Variants in ANK3 observed in about 807,000 individuals in gnomAD.
The protein encoded by ANK3 is ankyrin-3.
In ANK3, 57 loss-of-function variants were observed where a neutral mutation model predicts 370.9. The ratio of observed to expected loss-of-function variants is 0.15; its 90% CI spans 0.12 to 0.19. The LOEUF (loss-of-function observed/expected upper bound fraction) is 0.19. Ranked by LOEUF, ANK3 falls within the 10% of genes least tolerant of loss-of-function variation. ANK3 has a pLI of 1.00. For missense variants in ANK3, 4,439 were observed against 5,302.1 expected (o/e 0.84, Z 5.06); for synonymous variants, 1,929 against 1,946.3 (o/e 0.99, Z 0.23).
rs1369573303 is a variant in ANK3 at position 60,341,633 on chromosome 10, G to A, written c.114+47792C>T. ...TTATGTGCCTGTCCATTTTTCCCAAGTAAAGAGGGGGCATTTAAGGGTAGA... is the reference window on the plus strand; with the variant it reads ...TTATGTGCCTGTCCATTTTTCCCAAATAAAGAGGGGGCATTTAAGGGTAGA... On this transcript the variant is annotated intron_variant, in intron 1 of 43. Coordinates refer to ENST00000280772, the MANE Select transcript of ANK3 (RefSeq NM_020987.5). Among the ~76,000 whole-genome samples the A allele has an allele frequency of 2.0e-5, 3 of 152,098 alleles. No homozygotes were observed. In the East Asian group the frequency reaches 5.8e-4, roughly 29 times the overall value.
In ANK3 at chr10:60,055,850, A is replaced by G; in HGVS notation, c.12873T>C (p.Gly4291=). ...GTGGTGATGCTGGTTCTTCAACATG[A>G]CCAGATCCATGTATTTTTGGTTTCA... The part of the protein sequence containing the change: ...ETLKPKIHGS[G]HVEEPASPLA... Residue 4291 remains glycine, a synonymous_variant, in exon 42 of 44, where the codon GGT becomes GGC. Coordinates refer to ENST00000280772, the MANE Select transcript of ANK3 (RefSeq NM_020987.5). The G allele has an allele frequency of 6.2e-7, 1 of 1,614,108 alleles. No individual in the cohort carries two copies. The highest frequency in any genetic ancestry group is 8.5e-7 in the Non-Finnish European group (1 of 1,180,002).
At position 60,211,806 on chromosome 10, in the gene ANK3, A is replaced by T. The variant is rs951280369; in HGVS notation, c.996+1606T>A. ...CTGCCACCTGATCAGCACTGCCTAC[A>T]CTCTTTAGAGCTGCCACTCACATGT... On this transcript the variant is annotated intron_variant, in intron 9 of 43. Coordinates refer to ENST00000280772, the MANE Select transcript of ANK3 (RefSeq NM_020987.5). Among the ~76,000 whole-genome samples the T allele has an allele frequency of 2.0e-5, 3 of 147,218 alleles. No homozygotes were observed. The Admixed American group carries it at 2.1e-4, about 10-fold the overall frequency.
In ANK3 at chr10:60,164,808, C is replaced by T. The variant is rs10994231; in HGVS notation, c.2614+1783G>A. ...GCAGATGTTTGCTCAGACTGAGTGA[C>T]CTTTAAGGAATCCTTTTCAACATTA... On this transcript the variant is annotated intron_variant, in intron 23 of 43. Transcript: ENST00000280772. Among the ~76,000 whole-genome samples, 644 of 152,210 alleles carry T rather than the reference C, an allele frequency of 4.2e-3. 22 individuals carry two copies. In the East Asian group the frequency reaches 0.074, roughly 17 times the overall value.
intron 1 of ANK3, among the ~76,000 whole-genome samples, chr10:60,722,246 T>A (rs895044180): frequency 1.3e-5 from 2 of 152,018 alleles, no homozygotes; most frequent in African/African-American, 4.8e-5. Flanking sequence ...TTCAGTAGAC[T>A]AAGAAAGCAT....
At chr10:60,598,164 T>C (rs2078013434) in intron 2 of ANK3, among the ~76,000 whole-genome samples, 1 of 152,170 alleles carries the variant, frequency 6.6e-6, no homozygotes, top group African/African-American at 2.4e-5. Context: ...TGTTACATCG[T>C]AGCAGAAACT....
At chr10:60,132,580 A>T (rs1318501550) in intron 25 of ANK3, among the ~76,000 whole-genome samples, 1 of 151,916 alleles carries the variant, frequency 6.6e-6, no homozygotes. Context: ...GTATGTCTTT[A>T]TTAGCAGTGT....
At chr10:60,435,251 C>T (rs912201345) in intron 2 of ANK3, among the ~76,000 whole-genome samples, 1 of 152,092 alleles carries the variant, frequency 6.6e-6, no homozygotes, top group Non-Finnish European at 1.5e-5. Context: ...TGTACACTTT[C>T]CTAAGAAAAG....
chr10:60,270,941 A>G (rs2097967170), intron 4 of ANK3, among the ~76,000 whole-genome samples: 1 of 152,182 alleles, frequency 6.6e-6, no homozygotes, highest in South Asian at 2.1e-4. Context: ...TTACATGTAC[A>G]TACATATGCA....
intron 1 of ANK3, among the ~76,000 whole-genome samples, chr10:60,319,504 A>G (rs2048174542): frequency 6.6e-6 from 1 of 152,222 alleles, no homozygotes; most frequent in Admixed American, 6.5e-5. Flanking sequence ...TGTTATAAAG[A>G]AATATATCGT....
At chr10:60,629,910 C>A (rs992140232) in intron 1 of ANK3, among the ~76,000 whole-genome samples, 1 of 151,962 alleles carries the variant, frequency 6.6e-6, no homozygotes, top group African/African-American at 2.4e-5. Context: ...GCAATGTGAA[C>A]CCTCAAAGCA....
chr10:60,710,330 A>C (rs750517728), intron 1 of ANK3, among the ~76,000 whole-genome samples: 2 of 152,180 alleles, frequency 1.3e-5, no homozygotes, highest in Non-Finnish European at 2.9e-5. Context: ...GGTAATTTTT[A>C]TAGAGTTAGG....
chr10:60,673,803 C>T (rs2079091276), intron 1 of ANK3, among the ~76,000 whole-genome samples: 1 of 152,236 alleles, frequency 6.6e-6, no homozygotes, highest in Non-Finnish European at 1.5e-5. Flanking sequence ...CCTCCTCTCT[C>T]TTCCCCTAAT....
At chr10:60,671,544 A>C in intron 1 of ANK3, among the ~76,000 whole-genome samples, 1 of 152,158 alleles carries the variant, frequency 6.6e-6, no homozygotes, top group East Asian at 1.9e-4. Flanking sequence ...TATTGAACTT[A>C]TAAGGGTGTA....
At chr10:60,470,009 T>A (rs1446445294) in intron 2 of ANK3, among the ~76,000 whole-genome samples, 1 of 152,004 alleles carries the variant, frequency 6.6e-6, no homozygotes, top group Non-Finnish European at 1.5e-5. Flanking sequence ...AACTTTAGAC[T>A]TAGTGATAGA....
At chr10:60,240,231 C>T (rs1326660023) in intron 7 of ANK3, among the ~76,000 whole-genome samples, 213 of 140,808 alleles carry the variant, frequency 1.5e-3, no homozygotes, top group African/African-American at 5.4e-3. Flanking sequence ...TATATACACA[C>T]ATATATATAC....
intron 1 of ANK3, among the ~76,000 whole-genome samples, chr10:60,726,546 A>G (rs2079943457): frequency 1.3e-5 from 2 of 152,230 alleles, no homozygotes; most frequent in African/African-American, 4.8e-5. Flanking sequence ...AAAGATGTGG[A>G]AGCTGAGATT....
At chr10:60,326,689 T>A (rs1056931160) in intron 1 of ANK3, among the ~76,000 whole-genome samples, 1 of 151,962 alleles carries the variant, frequency 6.6e-6, no homozygotes, top group African/African-American at 2.4e-5. Flanking sequence ...TTTAAATGAA[T>A]AGGTGGATGT....
chr10:60,515,290 C>A (rs1057507838), intron 2 of ANK3, among the ~76,000 whole-genome samples: 5 of 152,104 alleles, frequency 3.3e-5, no homozygotes, highest in African/African-American at 1.2e-4. Context: ...CTGCAGGAAG[C>A]ATTGACCATA....
intron 8 of ANK3, among the ~76,000 whole-genome samples, chr10:60,223,170 CT>C (rs1249388464): frequency 6.6e-6 from 1 of 152,164 alleles, no homozygotes; most frequent in Non-Finnish European, 1.5e-5. Flanking sequence ...GATCAAATTC[CT>C]TATCTCCCAC....
Sources: gnomAD v4.1 joint callset for allele counts (sites outside exome capture counted in the v4.1 genomes callset) on GRCh38, gnomAD v4.1.1 for gene constraint, MANE v1.5 for transcripts, NCBI Gene and HGNC (gene_info 2026-07-23, HGNC 2026-07-21) for gene names.